MGST1: variants seen among roughly 807,000 people sequenced by gnomAD.
The protein encoded by MGST1 is microsomal glutathione S-transferase 1.
In MGST1, 5 loss-of-function variants were observed where a neutral mutation model predicts 8.9. That is an observed-to-expected ratio of 0.56 (90% CI 0.29 to 1.19). MGST1 has a LOEUF of 1.19. Among genes scored for constraint, MGST1 ranks in the 50% most tolerant of loss-of-function variants. The pLI is 0.08. For missense variants in MGST1, 182 were observed against 187.4 expected (o/e 0.97, Z 0.17); for synonymous variants, 54 against 67.8 (o/e 0.80, Z 1.00).
chr12:16,534,566 G>A (rs1243397661), intron 4 of MGST1, among the ~76,000 whole-genome samples: 1 of 152,130 alleles, frequency 6.6e-6, no homozygotes, highest in East Asian at 1.9e-4. Flanking sequence ...CAGGGATAAG[G>A]ATGCCTATTT....
chr12:16,475,767 G>A (rs972426601), intron 4 of MGST1, among the ~76,000 whole-genome samples: 1 of 152,074 alleles, frequency 6.6e-6, no homozygotes, highest in Non-Finnish European at 1.5e-5. Flanking sequence ...TTTTAGAAGT[G>A]TCCCTGTTGC....
At chr12:16,487,620 A>C (rs1217147411) in intron 4 of MGST1, among the ~76,000 whole-genome samples, 1 of 152,156 alleles carries the variant, frequency 6.6e-6, no homozygotes, top group Non-Finnish European at 1.5e-5. Flanking sequence ...CTACCAGAGA[A>C]ATAATATCTA....
In MGST1 at chr12:16,423,568, G is replaced by T. The variant is rs527902289; in HGVS notation, n.779-13820G>T. ...TAACCTATGTACAAAAAAAATCCTT[G>T]TTGTCCATGCTTATTATTTATCCTC... On this transcript the variant is annotated intron_variant and non_coding_transcript_variant, in intron 1 of 1. Coordinates refer to the MGST1 transcript ENST00000359720. Among the ~76,000 whole-genome samples the T allele has an allele frequency of 2.0e-5, 3 of 151,778 alleles. No individual in the cohort carries two copies. The South Asian group carries it at 6.2e-4, about 32-fold the overall frequency.
chr12:16,454,956 A>G (rs983939390), intron 4 of MGST1, among the ~76,000 whole-genome samples: 2 of 151,376 alleles, frequency 1.3e-5, no homozygotes, highest in Non-Finnish European at 3.0e-5. Context: ...CAGATATCTC[A>G]CATTAAGAAG....
At chr12:16,431,795 G>A (rs940072195) in intron 1 of MGST1, among the ~76,000 whole-genome samples, 1 of 152,036 alleles carries the variant, frequency 6.6e-6, no homozygotes, top group African/African-American at 2.4e-5. Flanking sequence ...TTGATGCAGG[G>A]TTTCTGCAAA....
rs1939999370 is a variant in MGST1, at chr12:16,361,592, CGTT to C, written c.222-2201_222-2199del. Among the ~76,000 whole-genome samples the C allele has an allele frequency of 6.6e-6, 1 of 152,058 alleles. No homozygotes were observed. The highest frequency in any genetic ancestry group is 2.1e-4 in the South Asian group (1 of 4,832). ...GCTGCCGCTCCAGGAAGGAGTCTGT[CGTT>C]GGAGAAGAGGGGAGGGTTAGGACGG... On this transcript the variant is annotated intron_variant, in intron 3 of 3. Transcript: ENST00000396210. This position sits in a 1 kb window ranked among gnomAD's most constrained non-coding sequence, Gnocchi z 4.2.
At chr12:16,533,559 A>C (rs1326487466) in intron 4 of MGST1, among the ~76,000 whole-genome samples, 1 of 152,186 alleles carries the variant, frequency 6.6e-6, no homozygotes, top group Non-Finnish European at 1.5e-5. Flanking sequence ...TAGTTCAGTC[A>C]TAAATTACTT....
chr12:16,358,478 T>C (rs1939830332), intron 3 of MGST1, among the ~76,000 whole-genome samples: 2 of 152,228 alleles, frequency 1.3e-5, no homozygotes, highest in Non-Finnish European at 2.9e-5. Context: ...ATTCTTTTTT[T>C]TTTTTTGAGA....
intron 1 of MGST1, among the ~76,000 whole-genome samples, chr12:16,353,115 G>C (rs1470668259): frequency 1.3e-5 from 2 of 151,716 alleles, no homozygotes; most frequent in African/African-American, 2.4e-5. Flanking sequence ...CTCACTGCAA[G>C]CTCTGCCTCC....
In MGST1 at chr12:16,361,146, C is replaced by T. The variant is rs1359188512; in HGVS notation, c.222-2649C>T. Among the ~76,000 whole-genome samples the T allele has an allele frequency of 2.0e-5, 3 of 152,070 alleles. No individual in the cohort carries two copies. Among genetic ancestry groups the T allele is most frequent in the Non-Finnish European group, 4.4e-5 (3 of 68,018 alleles). On this transcript the variant is annotated intron_variant, in intron 3 of 3. Coordinates refer to ENST00000396210, the MANE Select transcript of MGST1 (RefSeq NM_020300.5). The surrounding 1 kb of genome is among the most constrained non-coding windows in gnomAD (Gnocchi z 4.2). ...GAAGTCTCATCAATTTGGGAAAATT[C>T]CTTTGTGAGAATGTGAACACATGGC...
rs552059992 is a variant in MGST1 at position 16,422,531 on chromosome 12, A to C, written n.779-14857A>C. ...TGCCATAGGAGTGAGATGAGGTGCA[A>C]TTTTGGTAGCTGACAATGGGGCCTG... On this transcript the variant is annotated intron_variant and non_coding_transcript_variant, in intron 1 of 1. Transcript: ENST00000359720. 2.6e-5 allele frequency among the ~76,000 whole-genome samples: 4 copies of C among 152,220 alleles called. No homozygotes were observed. In the East Asian group the frequency reaches 7.7e-4, roughly 29 times the overall value.
intron 4 of MGST1, among the ~76,000 whole-genome samples, chr12:16,492,425 A>G (rs1941445864): frequency 6.6e-6 from 1 of 152,086 alleles, no homozygotes; most frequent in South Asian, 2.1e-4. Context: ...GTTACAGCCA[A>G]TTGCCGTCTG....
chr12:16,533,875 T>C (rs1250791741), intron 4 of MGST1, among the ~76,000 whole-genome samples: 1 of 152,132 alleles, frequency 6.6e-6, no homozygotes, highest in Non-Finnish European at 1.5e-5. Flanking sequence ...GCAGGTGAGT[T>C]AATGTTTGCC....
chr12:16,442,659 A>G (rs950357355), downstream of MGST1, among the ~76,000 whole-genome samples: 6 of 151,722 alleles, frequency 4.0e-5, no homozygotes, highest in African/African-American at 7.3e-5. This position sits in a 1 kb window ranked among gnomAD's most constrained non-coding sequence, Gnocchi z 4.5. Context: ...CTACTTGTCT[A>G]TTCTTTTACC....
In MGST1 at chr12:16,546,345, G is replaced by A. The variant is rs542627000; in HGVS notation, n.483-43183G>A. 2.0e-5 allele frequency among the ~76,000 whole-genome samples: 3 copies of A among 152,108 alleles called. No individual in the cohort carries two copies. The highest frequency in any genetic ancestry group is 2.9e-5 in the Non-Finnish European group (2 of 67,966). On this transcript the variant is annotated intron_variant and non_coding_transcript_variant, in intron 4 of 4. Transcript: ENST00000538857. This position sits in a 1 kb window ranked among gnomAD's most constrained non-coding sequence, Gnocchi z 4.7. ...ATAGTTAATGCCAACCACTTTGCCC[G>A]TAAAGCCAAAATATTCTGTAATCAC...
At chr12:16,437,079 A>G (rs1332471678) in intron 1 of MGST1, among the ~76,000 whole-genome samples, 1 of 151,978 alleles carries the variant, frequency 6.6e-6, no homozygotes, top group Non-Finnish European at 1.5e-5. Context: ...AGACAAGATT[A>G]CTGAAGCCTG....
intron 4 of MGST1, among the ~76,000 whole-genome samples, chr12:16,456,567 A>G (rs1468486937): frequency 1.3e-5 from 2 of 151,962 alleles, no homozygotes; most frequent in Non-Finnish European, 2.9e-5. Context: ...TACTTAAGGA[A>G]CATCAGTAGT....
rs1262105452 is a variant in MGST1 at position 16,401,577 on chromosome 12, TAA to T, written n.778+17974_778+17975del. 1.2e-5 allele frequency: 16 copies of T among 1,337,608 alleles called. No individual in the cohort carries two copies. The African/African-American group carries it at 2.2e-4, about 18-fold the overall frequency. The allele number at this position is 1,337,608 out of a possible 1,614,324, so 82.9% of individuals were successfully genotyped here. A position where few individuals can be genotyped will look rare whatever the true frequency, so the allele number is the denominator to read the frequency against. ...TCAAAGTGCGAACAGGTTGGAGCAA[TAA>T]GACTCGAAGCGAATACCCATGGCAC... On this transcript the variant is annotated intron_variant and non_coding_transcript_variant, in intron 1 of 1. Transcript: ENST00000359720. This position sits in a 1 kb window ranked among gnomAD's most constrained non-coding sequence, Gnocchi z 4.3.
Position 16,562,561 on chromosome 12 carries a change from T to C in MGST1, n.483-26967T>C, listed in dbSNP as rs1349688938. 2.0e-5 allele frequency among the ~76,000 whole-genome samples: 3 copies of C among 152,210 alleles called. No homozygotes were observed. The East Asian group carries it at 5.8e-4, about 29-fold the overall frequency. ...CCACACAAACCATTGATCATCAGCC[T>C]ATTACTAGGCAAATGACAGTTAATT... On this transcript the variant is annotated intron_variant and non_coding_transcript_variant, in intron 4 of 4. Coordinates refer to the MGST1 transcript ENST00000538857.
Sources: allele counts gnomAD v4.1 joint callset (sites outside exome capture counted in the v4.1 genomes callset), GRCh38; gene constraint gnomAD v4.1.1; non-coding constraint Gnocchi (gnomAD v3.1); transcripts MANE v1.5; gene names NCBI Gene and HGNC (gene_info 2026-07-23, HGNC 2026-07-21).